TSPAN5: variants seen among roughly 807,000 people sequenced by gnomAD.
TSPAN5 encodes tetraspanin 5.
Under a neutral mutation model 37.1 loss-of-function variants are expected in TSPAN5, and 10 were observed. That is an observed-to-expected ratio of 0.27 (90% CI 0.17 to 0.46). The LOEUF is 0.46. TSPAN5 is among the 20% of genes least tolerant of loss of function. The pLI, the probability that TSPAN5 is intolerant of heterozygous loss-of-function variation, is 1.00. For missense variants in TSPAN5, 195 were observed against 326.6 expected (o/e 0.60, Z 3.11); for synonymous variants, 110 against 118.9 (o/e 0.93, Z 0.48).
chr4:98,499,862 G>A (rs62323583), intron 2 of TSPAN5, among the ~76,000 whole-genome samples: 18 of 151,884 alleles, frequency 1.2e-4, no homozygotes, highest in South Asian at 1.0e-3. Flanking sequence ...GGGTTTCACC[G>A]TGTTAGCCAG....
chr4:98,556,766 T>C (rs576112789), intron 1 of TSPAN5, among the ~76,000 whole-genome samples: 1 of 152,210 alleles, frequency 6.6e-6, no homozygotes, highest in Non-Finnish European at 1.5e-5. Flanking sequence ...TGGATTGAGA[T>C]AGGCCATTAT....
chr4:98,529,958 A>G (rs1754045127), intron 1 of TSPAN5, among the ~76,000 whole-genome samples: 1 of 152,238 alleles, frequency 6.6e-6, no homozygotes, highest in African/African-American at 2.4e-5. Context: ...CTACACTGCC[A>G]TAGAAGCACA....
chr4:98,596,610 G>C (rs1318760654), intron 1 of TSPAN5, among the ~76,000 whole-genome samples: 1 of 82,116 alleles, frequency 1.2e-5, no homozygotes, highest in East Asian at 4.1e-4. Context: ...CTTCCTTCAG[G>C]AGCTCTTTTA....
At chr4:98,641,751 A>G (rs1411646465) in intron 1 of TSPAN5, among the ~76,000 whole-genome samples, 2 of 151,972 alleles carry the variant, frequency 1.3e-5, no homozygotes, top group Admixed American at 1.3e-4. Context: ...CTCAAACTCC[A>G]CCCATGGGTA....
chr4:98,591,709 GTTT>G (rs1226274277), intron 1 of TSPAN5, among the ~76,000 whole-genome samples: 6 of 131,836 alleles, frequency 4.6e-5, no homozygotes, highest in African/African-American at 1.2e-4. Flanking sequence ...TAATTTCATG[GTTT>G]TTTTTCTTTT....
At chr4:98,493,739 G>T (rs1753136283) in intron 2 of TSPAN5, among the ~76,000 whole-genome samples, 3 of 152,058 alleles carry the variant, frequency 2.0e-5, no homozygotes, top group Admixed American at 2.0e-4. Flanking sequence ...TTCTTCTTAG[G>T]ATCCTTAATC....
chr4:98,502,360 CCTTGGGCACTCCAA>C (rs991776968), intron 2 of TSPAN5, among the ~76,000 whole-genome samples: 2 of 152,084 alleles, frequency 1.3e-5, no homozygotes, highest in Non-Finnish European at 2.9e-5. Context: ...TCAGACTGAG[CCTTGGGCACTCCAA>C]AATTTAGAGG....
At chr4:98,609,589 A>C (rs1176577055) in intron 1 of TSPAN5, among the ~76,000 whole-genome samples, 1 of 152,202 alleles carries the variant, frequency 6.6e-6, no homozygotes, top group Admixed American at 6.5e-5. Flanking sequence ...TCCTGAATAC[A>C]GTCTCCAGCC....
At chr4:98,532,519 G>T (rs530278724) in intron 1 of TSPAN5, among the ~76,000 whole-genome samples, 1 of 152,292 alleles carries the variant, frequency 6.6e-6, no homozygotes, top group African/African-American at 2.4e-5. Context: ...AGCAATGCTT[G>T]TGATTTTTGT....
rs78043445 is a variant in TSPAN5, at chr4:98,643,133, T to C, written c.81+15013A>G. Among the ~76,000 whole-genome samples the C allele has an allele frequency of 1.7e-3, 263 of 152,356 alleles. 1 individual carries two copies. The highest frequency in any genetic ancestry group is 6.1e-3 in the African/African-American group (253 of 41,592). On this transcript the variant is annotated intron_variant, in intron 1 of 7. Coordinates refer to ENST00000305798, the MANE Select transcript of TSPAN5 (RefSeq NM_005723.4). Reference sequence around the variant, plus strand: ...CTCCATTCGTGGTAAGTGCCCTACATTGGTGTACCACTTTTTTATCTTTTA... The same window carrying C: ...CTCCATTCGTGGTAAGTGCCCTACACTGGTGTACCACTTTTTTATCTTTTA...
intron 1 of TSPAN5, among the ~76,000 whole-genome samples, chr4:98,568,551 C>T (rs996861875): frequency 2.6e-5 from 4 of 151,632 alleles, no homozygotes; most frequent in Non-Finnish European, 5.9e-5. Flanking sequence ...CCACCACCAA[C>T]CCACCACAAA....
Position 98,638,620 on chromosome 4 carries a change from G to A in TSPAN5, c.81+19526C>T, listed in dbSNP as rs75780004. 2.0e-3 allele frequency among the ~76,000 whole-genome samples: 303 copies of A among 152,306 alleles called. 1 individual carries two copies. Among genetic ancestry groups the A allele is most frequent in the African/African-American group, 7.0e-3 (292 of 41,562 alleles). ...TCACAGGTAAAGGTATGGGGCAAGGGACATGGCGCTTCCATGCCCTTTCTA... is the reference window on the plus strand; with the variant it reads ...TCACAGGTAAAGGTATGGGGCAAGGAACATGGCGCTTCCATGCCCTTTCTA... On this transcript the variant is annotated intron_variant, in intron 1 of 7. Coordinates refer to ENST00000305798, the MANE Select transcript of TSPAN5 (RefSeq NM_005723.4).
At chr4:98,488,210 C>T (rs76004705) in intron 2 of TSPAN5, among the ~76,000 whole-genome samples, 1,773 of 152,254 alleles carry the variant, frequency 0.012, 14 homozygotes, top group South Asian at 0.022. Context: ...ATTTCAGTAC[C>T]AAGCAGGGGC....
chr4:98,473,845 C>T (rs544221091), intron 7 of TSPAN5, among the ~76,000 whole-genome samples: 9 of 152,212 alleles, frequency 5.9e-5, no homozygotes, highest in South Asian at 4.2e-4. Context: ...AGTACAGTGG[C>T]GTGATCATAG....
chr4:98,553,270 A>G (rs28576181), intron 1 of TSPAN5, among the ~76,000 whole-genome samples: 4,803 of 152,310 alleles, frequency 0.032, 127 homozygotes, highest in East Asian at 0.093. Context: ...GCATCAAACT[A>G]AATCTCCAAG....
intron 2 of TSPAN5, among the ~76,000 whole-genome samples, chr4:98,488,369 T>C (rs377004688): frequency 6.6e-6 from 1 of 152,192 alleles, no homozygotes; most frequent in East Asian, 1.9e-4. Flanking sequence ...TTTCTTCCTT[T>C]AGGGGGGTGT....
At chr4:98,621,794 C>CG (rs1399359719) in intron 1 of TSPAN5, among the ~76,000 whole-genome samples, 1 of 151,132 alleles carries the variant, frequency 6.6e-6, no homozygotes, top group Admixed American at 6.6e-5. Flanking sequence ...TCCCACCCCC[C>CG]CCGCAGCCCC....
At chr4:98,503,236 T>C (rs1753396306) in intron 2 of TSPAN5, among the ~76,000 whole-genome samples, 1 of 152,032 alleles carries the variant, frequency 6.6e-6, no homozygotes, top group Non-Finnish European at 1.5e-5. Flanking sequence ...GACACCGTGA[T>C]CTACAGTGGA....
At chr4:98,630,986 T>C (rs953807624) in intron 1 of TSPAN5, among the ~76,000 whole-genome samples, 25 of 152,200 alleles carry the variant, frequency 1.6e-4, no homozygotes, top group African/African-American at 6.0e-4. Context: ...GCTCAGCAGA[T>C]AGATGAAAGG....
Sources: allele counts gnomAD v4.1 joint callset (sites outside exome capture counted in the v4.1 genomes callset), GRCh38; gene constraint gnomAD v4.1.1; transcripts MANE v1.5; gene names NCBI Gene and HGNC (gene_info 2026-07-23, HGNC 2026-07-21).